Variants in DAAM1 observed in about 807,000 individuals in gnomAD.
The protein encoded by DAAM1 is dishevelled associated activator of morphogenesis 1.
DAAM1 carries 52 observed loss-of-function variants against 130.0 expected under a neutral mutation model. The ratio of observed to expected loss-of-function variants is 0.40; its 90% CI spans 0.32 to 0.50. The LOEUF is 0.50. Among genes scored for constraint, DAAM1 ranks in the 20% least tolerant of loss-of-function variants. The pLI, the probability that DAAM1 is intolerant of heterozygous loss-of-function variation, is 0.61. For synonymous variants in DAAM1, 452 were observed against 444.5 expected (o/e 1.02, Z -0.21); for missense variants, 1,134 against 1,303.8 (o/e 0.87, Z 2.01).
intron 2 of DAAM1, among the ~76,000 whole-genome samples, chr14:59,283,027 G>C (rs1883291175): frequency 6.6e-6 from 1 of 152,108 alleles, no homozygotes; most frequent in African/African-American, 2.4e-5. Flanking sequence ...CATCTCAGCA[G>C]AAGCAGAAGT....
chr14:59,334,187 G>A (rs1317149550), intron 15 of DAAM1, among the ~76,000 whole-genome samples: 1 of 152,098 alleles, frequency 6.6e-6, no homozygotes, highest in Non-Finnish European at 1.5e-5. Flanking sequence ...GATAATTTGA[G>A]CCATTTTATT....
intron 1 of DAAM1, among the ~76,000 whole-genome samples, chr14:59,257,692 C>T (rs865867493): frequency 1.3e-5 from 2 of 152,122 alleles, no homozygotes; most frequent in East Asian, 1.9e-4. Flanking sequence ...CCTTCCAGCA[C>T]GTAACTCCTC....
chr14:59,200,708 G>A (rs1461933143), intron 1 of DAAM1, among the ~76,000 whole-genome samples: 1 of 152,172 alleles, frequency 6.6e-6, no homozygotes, highest in Non-Finnish European at 1.5e-5. Context: ...GGATAGGTGG[G>A]ACTTCTGAGG....
chr14:59,208,035 A>G (rs528325466), intron 1 of DAAM1, among the ~76,000 whole-genome samples: 36 of 152,376 alleles, frequency 2.4e-4, no homozygotes, highest in African/African-American at 7.7e-4. Flanking sequence ...ATCTTAATGA[A>G]GTTTTAAAAA....
intron 3 of DAAM1, among the ~76,000 whole-genome samples, chr14:59,301,109 G>C (rs535514047): frequency 6.9e-4 from 105 of 152,024 alleles, no homozygotes; most frequent in Non-Finnish European, 1.3e-3. Context: ...ATATCTCATT[G>C]CTCGATCAAT....
intron 1 of DAAM1, among the ~76,000 whole-genome samples, chr14:59,226,793 T>G (rs1268315557): frequency 1.3e-5 from 2 of 152,182 alleles, no homozygotes; most frequent in African/African-American, 4.8e-5. Flanking sequence ...ACATTTACCC[T>G]GCAAATGCAA....
chr14:59,248,591 A>G (rs1881501269), intron 1 of DAAM1, among the ~76,000 whole-genome samples: 1 of 152,116 alleles, frequency 6.6e-6, no homozygotes, highest in Non-Finnish European at 1.5e-5. Context: ...GTTTAATGAA[A>G]AGAGATTATA....
At chr14:59,232,282 G>A (rs10483710) in intron 1 of DAAM1, among the ~76,000 whole-genome samples, 21,244 of 152,124 alleles carry the variant, frequency 0.14, 1,892 homozygotes, top group East Asian at 0.32. Context: ...AGAGAATATC[G>A]AAACTACTGG....
intron 3 of DAAM1, among the ~76,000 whole-genome samples, chr14:59,305,317 A>G (rs1884335173): frequency 1.3e-5 from 2 of 152,176 alleles, no homozygotes; most frequent in Non-Finnish European, 2.9e-5. Context: ...GTGGGGTTGT[A>G]TCATTTCTGA....
chr14:59,353,798 C>A, intron 18 of DAAM1, 78 bp from the exon 19 acceptor site: 3 of 1,373,676 alleles, frequency 2.2e-6, no homozygotes, highest in Non-Finnish European at 1.0e-6. Flanking sequence ...CTTCTAGGTA[C>A]CTCCACCTCC....
intron 16 of DAAM1, among the ~76,000 whole-genome samples, chr14:59,345,140 A>G (rs1448985758): frequency 6.6e-6 from 1 of 152,182 alleles, no homozygotes; most frequent in Non-Finnish European, 1.5e-5. Flanking sequence ...AAGGCTACCC[A>G]GTTGAGGCCC....
At chr14:59,349,705 C>T (rs537646090) in intron 17 of DAAM1, among the ~76,000 whole-genome samples, 1 of 152,320 alleles carries the variant, frequency 6.6e-6, no homozygotes, top group Non-Finnish European at 1.5e-5. Context: ...TCTTCTTCCT[C>T]GGAACACATA....
Position 59,369,059 on chromosome 14 carries a change from T to A in DAAM1, c.*200T>A, listed in dbSNP as rs1407469218. ...GATGTCTGAGTGTTGTCTGGAGACC[T>A]ATACGTATGGTTAAAAAGATTTATG... On this transcript the variant is annotated 3_prime_UTR_variant, in exon 25 of 25. Transcript: ENST00000360909. The A allele has an allele frequency of 1.8e-6, 1 of 544,306 alleles. No individual in the cohort carries two copies. The highest frequency in any genetic ancestry group is 3.2e-6 in the Non-Finnish European group (1 of 309,726). 33.7% of individuals were successfully genotyped at this position (544,306 alleles called of 1,614,324 possible). A position where few individuals can be genotyped will look rare whatever the true frequency, so the allele number is the denominator to read the frequency against.
At chr14:59,242,802 C>T (rs2139464837) in intron 1 of DAAM1, among the ~76,000 whole-genome samples, 1 of 152,234 alleles carries the variant, frequency 6.6e-6, no homozygotes, top group African/African-American at 2.4e-5. Flanking sequence ...TCGTGATCTG[C>T]CTCGGCCTCC....
intron 3 of DAAM1, among the ~76,000 whole-genome samples, chr14:59,303,239 A>G (rs1055006552): frequency 2.0e-5 from 3 of 152,188 alleles, no homozygotes; most frequent in African/African-American, 7.2e-5. Flanking sequence ...ATGGACTCCT[A>G]TAGTGTCCTG....
At chr14:59,272,276 T>C (rs571040595) in intron 2 of DAAM1, among the ~76,000 whole-genome samples, 22 of 152,142 alleles carry the variant, frequency 1.4e-4, no homozygotes, top group Non-Finnish European at 3.1e-4. Context: ...AATTAAAATA[T>C]ATTGGCTGGG....
intron 1 of DAAM1, among the ~76,000 whole-genome samples, chr14:59,208,285 T>G (rs1888325192): frequency 6.6e-6 from 1 of 152,166 alleles, no homozygotes; most frequent in Admixed American, 6.5e-5. Flanking sequence ...TTCCTGGCCA[T>G]GATGGAATGG....
chr14:59,213,594 G>A (rs530619112), intron 1 of DAAM1, among the ~76,000 whole-genome samples: 1 of 152,176 alleles, frequency 6.6e-6, no homozygotes, highest in East Asian at 1.9e-4. Context: ...ATACTTATAT[G>A]GAAAGAAAAA....
chr14:59,330,864 G>A (rs1885401214), intron 13 of DAAM1, among the ~76,000 whole-genome samples, 176 bp downstream of exon 13: 1 of 152,154 alleles, frequency 6.6e-6, no homozygotes, highest in Admixed American at 6.5e-5. Context: ...GGCTGTTTGG[G>A]GGTGCATTTT....
Sources: gnomAD v4.1 joint callset for allele counts (sites outside exome capture counted in the v4.1 genomes callset) on GRCh38, gnomAD v4.1.1 for gene constraint, MANE v1.5 for transcripts, NCBI Gene and HGNC (gene_info 2026-07-23, HGNC 2026-07-21) for gene names.